Variants in LRRC8D observed in about 807,000 individuals in gnomAD.
LRRC8D encodes the protein leucine rich repeat containing 8 VRAC subunit D.
In LRRC8D, 20 loss-of-function variants were observed where a neutral mutation model predicts 55.8. The observed-to-expected ratio is 0.36, with a 90% confidence interval of 0.25 to 0.52. The LOEUF (loss-of-function observed/expected upper bound fraction) is 0.52. LRRC8D is among the 20% of genes least tolerant of loss of function. LRRC8D has a pLI of 0.93. For synonymous variants in LRRC8D, 352 were observed against 377.0 expected (o/e 0.93, Z 0.77); for missense variants, 651 against 1,030.8 (o/e 0.63, Z 5.05).
chr1:89,838,098 G>A (rs992042702), intron 1 of LRRC8D, among the ~76,000 whole-genome samples: 2 of 151,678 alleles, frequency 1.3e-5, no homozygotes, highest in South Asian at 2.1e-4. Flanking sequence ...GGTGGCTCAC[G>A]CCTGTAATCC....
At chr1:89,858,538 GCAAA>G (rs1411157696) in intron 2 of LRRC8D, among the ~76,000 whole-genome samples, 1 of 152,164 alleles carries the variant, frequency 6.6e-6, no homozygotes, top group African/African-American at 2.4e-5. Context: ...ATGACTTAGT[GCAAA>G]CAGATGAAAT....
chr1:89,870,751 A>G (rs1211104812), intron 2 of LRRC8D, among the ~76,000 whole-genome samples: 1 of 152,176 alleles, frequency 6.6e-6, no homozygotes, highest in African/African-American at 2.4e-5. Flanking sequence ...AACATTGTCT[A>G]TAAGATGCTT....
At chr1:89,830,785 C>T (rs983294973) in intron 1 of LRRC8D, among the ~76,000 whole-genome samples, 1 of 152,174 alleles carries the variant, frequency 6.6e-6, no homozygotes, top group African/African-American at 2.4e-5. Flanking sequence ...TTTAGAACTT[C>T]CTGTAAACCA....
At chr1:89,839,505 T>G (rs1402443403) in intron 1 of LRRC8D, among the ~76,000 whole-genome samples, 1 of 152,230 alleles carries the variant, frequency 6.6e-6, no homozygotes, top group African/African-American at 2.4e-5. Flanking sequence ...TAAACATGAT[T>G]TGCGACCCCT....
At chr1:89,859,523 G>T (rs1213292532) in intron 2 of LRRC8D, among the ~76,000 whole-genome samples, 1 of 152,206 alleles carries the variant, frequency 6.6e-6, no homozygotes. Flanking sequence ...TAAGGATTGT[G>T]AATGGGAGGA....
chr1:89,898,243 G>A (rs995819789), intron 2 of LRRC8D, among the ~76,000 whole-genome samples: 1 of 152,162 alleles, frequency 6.6e-6, no homozygotes, highest in Non-Finnish European at 1.5e-5. Flanking sequence ...AAATCTAAAA[G>A]CAATTCATGG....
chr1:89,906,428 G>GT (rs1284873586), intron 2 of LRRC8D, among the ~76,000 whole-genome samples: 1 of 152,206 alleles, frequency 6.6e-6, no homozygotes, highest in Non-Finnish European at 1.5e-5. Context: ...TTGGAAACTG[G>GT]TTTATAGTAC....
chr1:89,844,919 G>A (rs1348702297), intron 2 of LRRC8D, among the ~76,000 whole-genome samples: 1 of 152,194 alleles, frequency 6.6e-6, no homozygotes, highest in Non-Finnish European at 1.5e-5. Flanking sequence ...GTTAAAGCCA[G>A]TAGCATCTTC....
Position 89,822,093 on chromosome 1 carries a change from AG to A in LRRC8D, c.-148+807del, listed in dbSNP as rs750761957. ...CTTCTCCTTTCCGTCACCCTTTACTAGGGGGTATCCCTTGCAGATAAATGAG... is the reference window on the plus strand; with the variant it reads ...CTTCTCCTTTCCGTCACCCTTTACTAGGGGTATCCCTTGCAGATAAATGAG... On this transcript the variant is annotated intron_variant, in intron 1 of 2. Transcript: ENST00000337338. 3.3e-5 allele frequency: 5 copies of A among 152,706 alleles called. No homozygotes were observed. The East Asian group carries it at 7.7e-4, about 24-fold the overall frequency. The allele number at this position is 152,706 out of a possible 1,614,324, so 9.5% of individuals were successfully genotyped here.
At chr1:89,916,102 A>G (rs1319765081) in intron 2 of LRRC8D, among the ~76,000 whole-genome samples, 4 of 152,192 alleles carry the variant, frequency 2.6e-5, no homozygotes, top group Admixed American at 2.6e-4. Flanking sequence ...ATCTCTACTA[A>G]TGCTTTATTG....
At chr1:89,821,888 C>G (rs1263637219) in intron 1 of LRRC8D, 2 of 151,974 alleles carry the variant, frequency 1.3e-5, no homozygotes, top group Non-Finnish European at 2.9e-5. Context: ...TGCACCCAGC[C>G]GTCCGCGGGC....
intron 2 of LRRC8D, among the ~76,000 whole-genome samples, chr1:89,859,508 G>C (rs188650126): frequency 6.6e-6 from 1 of 152,042 alleles, no homozygotes; most frequent in Non-Finnish European, 1.5e-5. Context: ...GAAATGGTTC[G>C]GGGTTAAGGA....
intron 2 of LRRC8D, among the ~76,000 whole-genome samples, chr1:89,928,139 G>C (rs909299877): frequency 1.3e-5 from 2 of 152,116 alleles, no homozygotes; most frequent in African/African-American, 4.8e-5. Flanking sequence ...GCATGATCTC[G>C]CCGCACTGCA....
intron 2 of LRRC8D, among the ~76,000 whole-genome samples, chr1:89,878,954 C>T (rs944347474): frequency 7.6e-5 from 10 of 131,516 alleles, no homozygotes; most frequent in African/African-American, 2.4e-4. Flanking sequence ...GCAACAAGAG[C>T]GAAAATCCGT....
intron 2 of LRRC8D, among the ~76,000 whole-genome samples, chr1:89,853,008 C>G (rs1234303303): frequency 6.6e-6 from 1 of 152,170 alleles, no homozygotes; most frequent in African/African-American, 2.4e-5. Flanking sequence ...GTGTTGCAAT[C>G]ACTGTTTTCA....
At chr1:89,840,885 G>A (rs1661116049) in intron 1 of LRRC8D, among the ~76,000 whole-genome samples, 1 of 151,950 alleles carries the variant, frequency 6.6e-6, no homozygotes, top group Non-Finnish European at 1.5e-5. Context: ...CTTAGATAAT[G>A]AGTAACAAAA....
intron 2 of LRRC8D, among the ~76,000 whole-genome samples, chr1:89,887,589 G>A (rs946892950): frequency 2.6e-5 from 4 of 152,138 alleles, no homozygotes; most frequent in African/African-American, 7.2e-5. Flanking sequence ...AACTAAACTA[G>A]TTATCTTTCC....
intron 2 of LRRC8D, among the ~76,000 whole-genome samples, chr1:89,922,335 G>A (rs1361819986): frequency 6.6e-6 from 1 of 152,142 alleles, no homozygotes; most frequent in Non-Finnish European, 1.5e-5. Flanking sequence ...AAAGTGCTGG[G>A]ATTACAGACA....
At position 89,933,638 on chromosome 1, in the gene LRRC8D, C is replaced by T. The variant is rs149098254; in HGVS notation, c.570C>T (p.Cys190=). 136 of 1,614,116 alleles carry T rather than the reference C, an allele frequency of 8.4e-5. No individual in the cohort carries two copies. The African/African-American group carries it at 1.5e-3, about 18-fold the overall frequency. Residue 190 remains cysteine, a synonymous_variant, in exon 3 of 3, where the codon TGC becomes TGT. Transcript: ENST00000337338. The surrounding 1 kb of genome is among the most constrained non-coding windows in gnomAD (Gnocchi z 7.0). ...SNFWFKYPKT[C]SKVEHFVSIL... ...TTTGGTTCAAATATCCCAAAACATG[C>T]TCAAAAGTAGAACATTTTGTTTCAA...
Sources: allele counts gnomAD v4.1 joint callset (sites outside exome capture counted in the v4.1 genomes callset), GRCh38; gene constraint gnomAD v4.1.1; non-coding constraint Gnocchi (gnomAD v3.1); transcripts MANE v1.5; gene names NCBI Gene and HGNC (gene_info 2026-07-23, HGNC 2026-07-21).